The following TTYH1 variants were observed in gnomAD, a reference collection of about 807,000 sequenced individuals.
TTYH1 encodes tweety family member 1.
TTYH1 carries 33 observed loss-of-function variants against 61.2 expected under a neutral mutation model. That is an observed-to-expected ratio of 0.54 (90% CI 0.41 to 0.72). The LOEUF is 0.72. Ranked by LOEUF, TTYH1 falls within the 30% of genes least tolerant of loss-of-function variation. The pLI is 0.00. For missense variants in TTYH1, 538 were observed against 575.8 expected, an observed-to-expected ratio of 0.93 and a Z score of 0.67; for synonymous variants, 308 against 266.4, an observed-to-expected ratio of 1.16 and a Z score of -1.52.
chr19:54,426,871 C>T (rs572734433), intron 5 of TTYH1, 103 bp downstream of exon 5: 19 of 1,013,068 alleles, frequency 1.9e-5, no homozygotes, highest in Admixed American at 1.6e-4. Context: ...TGGTCCTTCA[C>T]GGCCGGGTAC....
chr19:54,436,038 C>CCAATTCCCA lies in TTYH1; in HGVS notation c.1315-51_1315-43dup. On this transcript the variant is annotated intron_variant, in intron 12 of 13. Transcript: ENST00000376530. The surrounding 1 kb of genome is among the most constrained non-coding windows in gnomAD (Gnocchi z 4.3). ...GGGGCTGGGGTCCCACAGTACAAAG[C>CCAATTCCCA]CAATTCCCACTCCATTCCCTCCTCT... 1 of 1,598,904 alleles carries CCAATTCCCA rather than the reference C, an allele frequency of 6.3e-7. No individual in the cohort carries two copies. Among genetic ancestry groups the CCAATTCCCA allele is most frequent in the Non-Finnish European group, 8.6e-7 (1 of 1,167,132 alleles).
chr19:54,425,139 C>T (rs957511287), intron 4 of TTYH1, among the ~76,000 whole-genome samples: 7 of 152,182 alleles, frequency 4.6e-5, no homozygotes, highest in African/African-American at 7.2e-5. Flanking sequence ...GGAACAATGG[C>T]GAGCCTCTAG....
At position 54,420,974 on chromosome 19, in the gene TTYH1, T is replaced by TGACTGG. The variant is rs2083203902; in HGVS notation, c.306-301_306-296dup. The TGACTGG allele has an allele frequency of 2.2e-6, 1 of 460,364 alleles. No individual in the cohort carries two copies. The allele number at this position is 460,364 out of a possible 1,614,324, so 28.5% of individuals were successfully genotyped here. ...AGACGGCCCATCCCGGAGCTGGGTG[T>TGACTGG]GACTGGGGTTCTGCTCCAGGGAGGT... On this transcript the variant is annotated intron_variant, in intron 2 of 13. Coordinates refer to ENST00000376530, the MANE Select transcript of TTYH1 (RefSeq NM_020659.4). The surrounding 1 kb of genome is among the most constrained non-coding windows in gnomAD (Gnocchi z 4.8).
At chr19:54,435,942 A>C (rs1351456460) in intron 12 of TTYH1, 69 bp downstream of exon 12, 1 of 1,588,416 alleles carries the variant, frequency 6.3e-7, no homozygotes, top group Non-Finnish European at 8.6e-7. Context: ...AGGGAGGAGG[A>C]GCTGAGGGCC....
In TTYH1 at chr19:54,420,439, A is replaced by C. The variant is rs1447535095; in HGVS notation, c.306-838A>C. 1.3e-5 allele frequency among the ~76,000 whole-genome samples: 2 copies of C among 151,882 alleles called. No individual in the cohort carries two copies. The highest frequency in any genetic ancestry group is 2.1e-4 in the South Asian group (1 of 4,814). On this transcript the variant is annotated intron_variant, in intron 2 of 13. Transcript: ENST00000376530. The surrounding 1 kb of genome is among the most constrained non-coding windows in gnomAD (Gnocchi z 4.8). ...GAGGAGCTTTGTAGGACTCTGAACA[A>C]TGGGGCGGGGACACTGGGCGTCCGA...
Position 54,436,532 on chromosome 19 carries a change from C to T in TTYH1, c.*242C>T, listed in dbSNP as rs571040770. On this transcript the variant is annotated 3_prime_UTR_variant, in exon 14 of 14. Transcript: ENST00000376530. The surrounding 1 kb of genome is among the most constrained non-coding windows in gnomAD (Gnocchi z 4.3). ...GCTGGCAGGGGAGGGGGCAGACAGCCTCGCCTCGCACCCTTCATCCCTGGC... is the reference window on the plus strand; with the variant it reads ...GCTGGCAGGGGAGGGGGCAGACAGCTTCGCCTCGCACCCTTCATCCCTGGC... 452 of 748,988 alleles carry T rather than the reference C, an allele frequency of 6.0e-4. 6 individuals carry two copies. Among genetic ancestry groups the T allele is most frequent in the South Asian group, 4.8e-3 (294 of 60,894 alleles). The allele number at this position is 748,988 out of a possible 1,614,324, so 46.4% of individuals were successfully genotyped here.
Position 54,416,238 on chromosome 19 carries a change from G to C in TTYH1, c.126+560G>C, listed in dbSNP as rs1405020437. On this transcript the variant is annotated intron_variant, in intron 1 of 13. Coordinates refer to ENST00000376530, the MANE Select transcript of TTYH1 (RefSeq NM_020659.4). This position sits in a 1 kb window ranked among gnomAD's most constrained non-coding sequence, Gnocchi z 7.0. ...AAATGAAGGGGCTCTGGGAGAGGAA[G>C]CTTCTTGCCCGTCCCAAGAAAGAAG... The C allele has an allele frequency of 5.5e-6, 2 of 365,414 alleles. No individual in the cohort carries two copies. Among genetic ancestry groups the C allele is most frequent in the Non-Finnish European group, 5.4e-6 (1 of 185,714 alleles). The allele number at this position is 365,414 out of a possible 1,614,324, so 22.6% of individuals were successfully genotyped here.
At position 54,421,495 on chromosome 19, in the gene TTYH1, T is replaced by G. The variant is rs2083216616; in HGVS notation, c.417+107T>G. On this transcript the variant is annotated intron_variant, in intron 3 of 13. Transcript: ENST00000376530. The surrounding 1 kb of genome is among the most constrained non-coding windows in gnomAD (Gnocchi z 4.8). ...AGAGCTAAGACCCCAGGCTTGAAGC[T>G]TAGGAACCCAGATTCAGAACTTCAT... 6.4e-6 allele frequency: 5 copies of G among 777,568 alleles called. No homozygotes were observed. The highest frequency in any genetic ancestry group is 9.0e-6 in the Non-Finnish European group (4 of 445,618). 48.2% of individuals were successfully genotyped at this position (777,568 alleles called of 1,614,324 possible).
intron 5 of TTYH1, 26 bp downstream of exon 5, chr19:54,426,794 A>G (rs1313257381): frequency 4.4e-6 from 7 of 1,601,986 alleles, no homozygotes; most frequent in Non-Finnish European, 6.0e-6. Flanking sequence ...AGGGGGACCC[A>G]GTGCTTGCCT....
chr19:54,425,467 T>C (rs2083304973), intron 4 of TTYH1, among the ~76,000 whole-genome samples: 1 of 152,224 alleles, frequency 6.6e-6, no homozygotes, highest in African/African-American at 2.4e-5. Context: ...GATGATTGGC[T>C]ATTTCTTTAC....
Position 54,434,694 on chromosome 19 carries a change from ACGACAGTC to A in TTYH1, c.1126-847_1126-840del, listed in dbSNP as rs1481632669. ...AGGCCGTTTCTGCTGATTTCTTGGG[ACGACAGTC>A]ATCAGAGCCAGCATTTGTTGGCATG... On this transcript the variant is annotated intron_variant, in intron 10 of 13. Transcript: ENST00000376530. The surrounding 1 kb of genome is among the most constrained non-coding windows in gnomAD (Gnocchi z 4.3). 6.6e-6 allele frequency: 1 copy of A among 152,130 alleles called. No individual in the cohort carries two copies. The highest frequency in any genetic ancestry group is 2.4e-5 in the African/African-American group (1 of 41,394). 9.4% of individuals were successfully genotyped at this position (152,130 alleles called of 1,614,324 possible).
chr19:54,430,602 A>C lies in TTYH1; in HGVS notation c.936A>C (p.Gln312His). 1 of 1,595,858 alleles carries C rather than the reference A, an allele frequency of 6.3e-7. No homozygotes were observed. Among genetic ancestry groups the C allele is most frequent in the Non-Finnish European group, 8.5e-7 (1 of 1,170,426 alleles). ...LCNRAVSNPF[Q>H]QRLTLSQRAL... ...ACCGGGCCGTCTCCAACCCCTTCCAACAGGTTAGGGCTGCGGGCAGGGGAA... is the reference window on the plus strand; with the variant it reads ...ACCGGGCCGTCTCCAACCCCTTCCACCAGGTTAGGGCTGCGGGCAGGGGAA... Residue 312 changes from glutamine (Q) to histidine (H), a missense_variant, in exon 8 of 14, where the codon CAA (glutamine) becomes CAC (histidine). Around this residue, in one of 3 missense-constraint regions of TTYH1, gnomAD observed 378 missense variants for 401.2 expected, o/e 0.94. Transcript: ENST00000376530.
At position 54,436,614 on chromosome 19, in the gene TTYH1, C is replaced by A. The variant is rs1007785714; in HGVS notation, c.*324C>A. 4.5e-5 allele frequency: 26 copies of A among 581,528 alleles called. No homozygotes were observed. The highest frequency in any genetic ancestry group is 3.4e-5 in the Non-Finnish European group (11 of 324,770). The allele number at this position is 581,528 out of a possible 1,614,324, so 36.0% of individuals were successfully genotyped here. ...GGGGTGGGGGACATGAGTCCCCCTG[C>A]TGCCCCTGCCACATCCCAGTGGGCT... On this transcript the variant is annotated 3_prime_UTR_variant, in exon 14 of 14. Transcript: ENST00000376530. The surrounding 1 kb of genome is among the most constrained non-coding windows in gnomAD (Gnocchi z 4.3).
In TTYH1 at chr19:54,416,973, G is replaced by A. The variant is rs112516407; in HGVS notation, c.126+1295G>A. The stretch of plus-strand genomic sequence containing the variant: ...TCCGCCCCCACGGTCGGGGGTCAGG[G>A]TCAGGGTGGCAGGGATGCGCGGGCA... On this transcript the variant is annotated intron_variant, in intron 1 of 13. Coordinates refer to ENST00000376530, the MANE Select transcript of TTYH1 (RefSeq NM_020659.4). This position sits in a 1 kb window ranked among gnomAD's most constrained non-coding sequence, Gnocchi z 7.0. The A allele has an allele frequency of 4.2e-3, 5,128 of 1,226,190 alleles. 149 individuals carry two copies. In the African/African-American group the frequency reaches 0.062, roughly 15 times the overall value. The allele number at this position is 1,226,190 out of a possible 1,614,324, so 76.0% of individuals were successfully genotyped here.
chr19:54,425,309 C>A (rs2083302522), intron 4 of TTYH1, among the ~76,000 whole-genome samples: 1 of 152,210 alleles, frequency 6.6e-6, no homozygotes, highest in African/African-American at 2.4e-5. Context: ...AGACACGGAC[C>A]AGAAGAGTGT....
intron 5 of TTYH1, among the ~76,000 whole-genome samples, chr19:54,428,153 G>A (rs912545467): frequency 1.5e-5 from 2 of 136,966 alleles, no homozygotes; most frequent in African/African-American, 2.7e-5. Flanking sequence ...TCAGCGGCGC[G>A]ATCTTGGCTC....
At chr19:54,431,620 T>C in intron 10 of TTYH1, 1 of 208,574 alleles carries the variant, frequency 4.8e-6, no homozygotes, top group Non-Finnish European at 9.8e-6. Context: ...ACCTAACTTC[T>C]CTGTACCTCA....
chr19:54,423,526 C>T (rs1169969482), intron 4 of TTYH1, among the ~76,000 whole-genome samples: 1 of 152,144 alleles, frequency 6.6e-6, no homozygotes, highest in African/African-American at 2.4e-5. Context: ...GATCAGGAAC[C>T]TGAGCTCGAA....
In TTYH1 at chr19:54,421,154, G is replaced by A. The variant is rs1272894916; in HGVS notation, c.306-123G>A. 1 of 675,644 alleles carries A rather than the reference G, an allele frequency of 1.5e-6. No homozygotes were observed. The highest frequency in any genetic ancestry group is 1.8e-5 in the African/African-American group (1 of 56,916). The allele number at this position is 675,644 out of a possible 1,614,324, so 41.9% of individuals were successfully genotyped here. A position where few individuals can be genotyped will look rare whatever the true frequency, so the allele number is the denominator to read the frequency against. On this transcript the variant is annotated intron_variant, in intron 2 of 13. Coordinates refer to ENST00000376530, the MANE Select transcript of TTYH1 (RefSeq NM_020659.4). This position sits in a 1 kb window ranked among gnomAD's most constrained non-coding sequence, Gnocchi z 4.8. ...CCCTTTTCCCACGGGCTGGCCCAAT[G>A]AGGTGGGGCTGAGATGGGAGGGGTG...
Sources: allele counts gnomAD v4.1 joint callset (sites outside exome capture counted in the v4.1 genomes callset), GRCh38; gene constraint gnomAD v4.1.1; regional missense constraint gnomAD v4.1.1; non-coding constraint Gnocchi (gnomAD v3.1); transcripts MANE v1.5; gene names NCBI Gene and HGNC (gene_info 2026-07-23, HGNC 2026-07-21).